DPP10: variants seen among roughly 807,000 people sequenced by gnomAD.
DPP10 encodes dipeptidyl peptidase like 10, also known as inactive dipeptidyl peptidase 10.
In DPP10, 33 loss-of-function variants were observed where a neutral mutation model predicts 120.9. That is an observed-to-expected ratio of 0.27 (90% confidence interval 0.21 to 0.37). DPP10 has a LOEUF of 0.37. DPP10 is among the 10% of genes least tolerant of loss of function. The pLI is 1.00. For missense variants in DPP10, 816 were observed against 942.8 expected (o/e 0.87, Z 1.76); for synonymous variants, 337 against 326.1 (o/e 1.03, Z -0.36).
chr2:115,604,116 G>A (rs2149227172), intron 5 of DPP10, among the ~76,000 whole-genome samples: 1 of 150,728 alleles, frequency 6.6e-6, no homozygotes, highest in Non-Finnish European at 1.5e-5. Context: ...TAAGATGGTA[G>A]CTTTTGAGAC....
At chr2:115,208,191 C>CT (rs760142039) in intron 1 of DPP10, among the ~76,000 whole-genome samples, 9,723 of 138,694 alleles carry the variant, frequency 0.07, 335 homozygotes, top group Middle Eastern at 0.1. Flanking sequence ...CATTATTTCT[C>CT]TTTTTTTTTT....
intron 1 of DPP10, among the ~76,000 whole-genome samples, chr2:114,955,337 T>C (rs929341060): frequency 2.6e-5 from 4 of 152,140 alleles, no homozygotes; most frequent in South Asian, 2.1e-4. Flanking sequence ...ATCAGCAAGG[T>C]CTTCATGGCC....
intron 1 of DPP10, among the ~76,000 whole-genome samples, chr2:114,730,719 G>A (rs557519924): frequency 3.2e-4 from 49 of 151,974 alleles, no homozygotes; most frequent in African/African-American, 1.1e-3. Flanking sequence ...TCCGCCTCCC[G>A]AGTAGCTGGG....
At chr2:115,756,927 A>G (rs1213023197) in intron 11 of DPP10, among the ~76,000 whole-genome samples, 1 of 152,162 alleles carries the variant, frequency 6.6e-6, no homozygotes, top group East Asian at 1.9e-4. Flanking sequence ...TTTTATAAGG[A>G]GCCCACTCCT....
At chr2:114,874,857 G>T (rs534689221) in intron 1 of DPP10, among the ~76,000 whole-genome samples, 9 of 152,150 alleles carry the variant, frequency 5.9e-5, no homozygotes, top group Admixed American at 2.6e-4. Flanking sequence ...TAGAGGAGCA[G>T]GCTTTTGAAC....
chr2:115,117,323 A>G (rs1258508270), intron 1 of DPP10, among the ~76,000 whole-genome samples: 1 of 152,254 alleles, frequency 6.6e-6, no homozygotes, highest in Non-Finnish European at 1.5e-5. Flanking sequence ...GCCTGCTACC[A>G]TGATGGTGGA....
At chr2:115,672,646 C>T (rs143810411) in intron 5 of DPP10, among the ~76,000 whole-genome samples, 478 of 21,546 alleles carry the variant, frequency 0.022, 2 homozygotes, top group East Asian at 0.16. Context: ...CTTTCTTTCT[C>T]TCTCTCTTTC....
chr2:115,568,032 G>A (rs2081108820), intron 5 of DPP10, among the ~76,000 whole-genome samples: 1 of 152,070 alleles, frequency 6.6e-6, no homozygotes, highest in African/African-American at 2.4e-5. Flanking sequence ...AAAAAAATTA[G>A]CCAGGCATAG....
chr2:114,752,958 C>T (rs997598898), intron 1 of DPP10, among the ~76,000 whole-genome samples: 2 of 152,190 alleles, frequency 1.3e-5, no homozygotes, highest in African/African-American at 4.8e-5. Context: ...ACGGGCAGCA[C>T]TGGATCCTGT....
chr2:114,502,903 C>T (rs914107536), intron 1 of DPP10, among the ~76,000 whole-genome samples: 4 of 152,286 alleles, frequency 2.6e-5, no homozygotes, highest in African/African-American at 7.2e-5. Context: ...GAGAGGATTT[C>T]GGAGTACTGT....
chr2:114,841,885 A>G (rs936648972), intron 1 of DPP10, among the ~76,000 whole-genome samples: 2 of 152,104 alleles, frequency 1.3e-5, no homozygotes, highest in Non-Finnish European at 2.9e-5. Context: ...ATGCTGGGTC[A>G]TGCTAAGTTA....
chr2:115,693,583 C>A (rs1448756286), intron 7 of DPP10, among the ~76,000 whole-genome samples: 1 of 152,020 alleles, frequency 6.6e-6, no homozygotes, highest in Non-Finnish European at 1.5e-5. Context: ...GAAACCAACA[C>A]CTATGACAAA....
At chr2:114,740,555 C>G (rs11123252) in intron 1 of DPP10, among the ~76,000 whole-genome samples, 1 of 152,054 alleles carries the variant, frequency 6.6e-6, no homozygotes, top group East Asian at 1.9e-4. Context: ...ATTCTTGCTC[C>G]CTAGATATTC....
chr2:114,988,209 C>A (rs879745657), intron 1 of DPP10, among the ~76,000 whole-genome samples: 5 of 152,192 alleles, frequency 3.3e-5, no homozygotes, highest in Non-Finnish European at 7.4e-5. Context: ...CCCAAGAGTT[C>A]CGGAGAAGTT....
intron 1 of DPP10, among the ~76,000 whole-genome samples, chr2:114,649,472 C>A (rs1696407122): frequency 6.6e-6 from 1 of 151,964 alleles, no homozygotes; most frequent in African/African-American, 2.4e-5. Context: ...CCTGATTCTC[C>A]CGAGTAGCTG....
At chr2:114,533,972 C>T (rs926876723) in intron 1 of DPP10, among the ~76,000 whole-genome samples, 1 of 152,136 alleles carries the variant, frequency 6.6e-6, no homozygotes, top group African/African-American at 2.4e-5. Context: ...TAATTTTCTC[C>T]TTTCTCACTG....
chr2:115,295,351 A>G (rs1161595378), intron 1 of DPP10, among the ~76,000 whole-genome samples: 1 of 152,108 alleles, frequency 6.6e-6, no homozygotes, highest in African/African-American at 2.4e-5. Context: ...TTATTTAATT[A>G]TTCCTGGTCC....
At chr2:114,893,493 A>G (rs934709553) in intron 1 of DPP10, among the ~76,000 whole-genome samples, 1 of 152,092 alleles carries the variant, frequency 6.6e-6, no homozygotes, top group Non-Finnish European at 1.5e-5. Flanking sequence ...TTATGCTGTG[A>G]TGAGAAAATA....
At chr2:115,027,235 G>T (rs529913697) in intron 1 of DPP10, among the ~76,000 whole-genome samples, 1 of 152,098 alleles carries the variant, frequency 6.6e-6, no homozygotes, top group East Asian at 1.9e-4. Context: ...TGACTATTTT[G>T]CAGAGTCTTT....
Sources: gnomAD v4.1 joint callset for allele counts (sites outside exome capture counted in the v4.1 genomes callset) on GRCh38, gnomAD v4.1.1 for gene constraint, MANE v1.5 for transcripts, NCBI Gene and HGNC (gene_info 2026-07-23, HGNC 2026-07-21) for gene names.